The following FILIP1L variants were observed in gnomAD, a reference collection of about 807,000 sequenced individuals.
The protein encoded by FILIP1L is filamin A interacting protein 1 like, also known as filamin A-interacting protein 1-like.
Under a neutral mutation model 96.6 loss-of-function variants are expected in FILIP1L, and 55 were observed. The observed-to-expected ratio is 0.57, with a 90% CI of 0.46 to 0.71. The LOEUF (loss-of-function observed/expected upper bound fraction) is 0.71, where lower values mean the gene tolerates loss of function less well. Among genes scored for constraint, FILIP1L ranks in the 30% least tolerant of loss-of-function variants. The pLI is 0.00. For missense variants in FILIP1L, 1,304 were observed against 1,321.2 expected, an observed-to-expected ratio of 0.99 and a Z score of 0.20; for synonymous variants, 467 against 473.9, an observed-to-expected ratio of 0.99 and a Z score of 0.19.
intron 4 of FILIP1L, among the ~76,000 whole-genome samples, chr3:99,885,815 TA>T (rs1291309685): frequency 1.3e-5 from 2 of 152,198 alleles, no homozygotes; most frequent in Non-Finnish European, 2.9e-5. Context: ...GGCTTTTGTG[TA>T]CATTTACCAA....
At chr3:100,037,606 G>A (rs1025411156) in intron 1 of FILIP1L, among the ~76,000 whole-genome samples, 5 of 152,120 alleles carry the variant, frequency 3.3e-5, no homozygotes, top group African/African-American at 1.2e-4. Flanking sequence ...CAATCTTTAT[G>A]TTCAAATCAT....
Position 99,848,315 on chromosome 3 carries a change from G to A in FILIP1L, c.3361C>T (p.Pro1121Ser), listed in dbSNP as rs1364188492. 6.2e-7 allele frequency: 1 copy of A among 1,614,098 alleles called. No homozygotes were observed. The highest frequency in any genetic ancestry group is 1.7e-5 in the Admixed American group (1 of 60,024). Residue 1121 changes from proline (P) to serine (S), a missense_variant, in exon 5 of 6, where the codon CCT (proline) becomes TCT (serine). Coordinates refer to ENST00000477258, the MANE Select transcript of FILIP1L (RefSeq NM_001387850.1). ...ITITPTATPLPRQSQITIKEV... is the reference protein window; with the variant it reads ...ITITPTATPLSRQSQITIKEV... Reference sequence around the variant, plus strand: ...CTTACTGTAATTTGTGATTGTCGAGGAAGAGGTGTGGCTGTTGGTGTGATA... The same window carrying A: ...CTTACTGTAATTTGTGATTGTCGAGAAAGAGGTGTGGCTGTTGGTGTGATA...
At chr3:99,985,334 C>T (rs1297092853) in intron 1 of FILIP1L, among the ~76,000 whole-genome samples, 1 of 151,980 alleles carries the variant, frequency 6.6e-6, no homozygotes, top group Non-Finnish European at 1.5e-5. Context: ...GAGTTCAAGA[C>T]CAGCCCGAAC....
At chr3:99,967,193 T>C (rs769931756) in intron 1 of FILIP1L, among the ~76,000 whole-genome samples, 9 of 152,250 alleles carry the variant, frequency 5.9e-5, no homozygotes, top group Non-Finnish European at 1.0e-4. Flanking sequence ...TGTTCTTGGC[T>C]CTTAGCCCCA....
At chr3:99,916,209 T>C (rs1227908847) in intron 4 of FILIP1L, among the ~76,000 whole-genome samples, 1 of 152,190 alleles carries the variant, frequency 6.6e-6, no homozygotes, top group Non-Finnish European at 1.5e-5. Context: ...GAAGGCAGGT[T>C]GAATTAACTG....
chr3:99,837,841 T>C (rs1942963620), intron 5 of FILIP1L, among the ~76,000 whole-genome samples: 1 of 152,220 alleles, frequency 6.6e-6, no homozygotes, highest in Non-Finnish European at 1.5e-5. Context: ...ACACCAAATG[T>C]GGCCTAAGTT....
chr3:100,068,237 G>A (rs142456980), intron 1 of FILIP1L, among the ~76,000 whole-genome samples: 231 of 152,260 alleles, frequency 1.5e-3, no homozygotes, highest in Non-Finnish European at 2.7e-3. Flanking sequence ...GAATTAGGAC[G>A]TGCACTTGCA....
chr3:99,997,591 G>A (rs535983735), intron 1 of FILIP1L, among the ~76,000 whole-genome samples: 1 of 152,262 alleles, frequency 6.6e-6, no homozygotes, highest in East Asian at 1.9e-4. Context: ...AGATGGTAGG[G>A]GCAGGGTGGG....
intron 1 of FILIP1L, among the ~76,000 whole-genome samples, chr3:100,018,556 G>A (rs1042483480): frequency 1.3e-5 from 2 of 151,846 alleles, no homozygotes; most frequent in African/African-American, 2.4e-5. Context: ...AAATCAACTC[G>A]AAATGAATTA....
At position 100,021,948 on chromosome 3, in the gene FILIP1L, TGTGTGTGTGTGTGAGAGAGAGAGA is replaced by T. The variant is rs1479304170; in HGVS notation, c.-10-90942_-10-90919del. 8.5e-5 allele frequency among the ~76,000 whole-genome samples: 11 copies of T among 129,566 alleles called. No homozygotes were observed. In the South Asian group the frequency reaches 2.2e-3, roughly 26 times the overall value. 85.0% of individuals were successfully genotyped at this position (129,566 alleles called of 152,430 possible). ...GTGTGTGTGTGTGTGTGTGTGTGTG[TGTGTGTGTGTGTGAGAGAGAGAGA>T]GAGAGAGAGAGAGAGAGAGAGATAT... On this transcript the variant is annotated intron_variant, in intron 1 of 5. Transcript: ENST00000477258.
At chr3:99,853,443 A>G (rs1210556100) in intron 4 of FILIP1L, among the ~76,000 whole-genome samples, 5 of 152,208 alleles carry the variant, frequency 3.3e-5, no homozygotes, top group African/African-American at 9.6e-5. Flanking sequence ...CTTAGGATAT[A>G]AGGGAGGGAA....
At chr3:99,848,119 A>T in intron 5 of FILIP1L, 176 bp downstream of exon 5, 1 of 1,465,826 alleles carries the variant, frequency 6.8e-7, no homozygotes, top group East Asian at 2.4e-5. Flanking sequence ...ATGACTATGC[A>T]GGCAACAGTT....
At chr3:99,837,439 G>GAA (rs200867964) in intron 5 of FILIP1L, among the ~76,000 whole-genome samples, 5 of 135,800 alleles carry the variant, frequency 3.7e-5, no homozygotes, top group Non-Finnish European at 6.4e-5. Context: ...AGAGAAGAGA[G>GAA]AAAAAAAAAA....
chr3:100,007,787 T>C lies in FILIP1L; in HGVS notation c.-10-76757A>G, dbSNP rs142331879. On this transcript the variant is annotated intron_variant, in intron 1 of 5. Coordinates refer to ENST00000477258, the MANE Select transcript of FILIP1L (RefSeq NM_001387850.1). The stretch of plus-strand genomic sequence containing the variant: ...ATATAGTACTGATAGAAAAAATATA[T>C]TAGTTATCTAGTGGTAACAGGGAAT... Among the ~76,000 whole-genome samples the C allele has an allele frequency of 2.5e-3, 383 of 152,258 alleles. 4 individuals carry two copies. The highest frequency in any genetic ancestry group is 8.8e-3 in the African/African-American group (366 of 41,546).
intron 1 of FILIP1L, among the ~76,000 whole-genome samples, chr3:99,933,954 C>A (rs2107666900): frequency 6.6e-6 from 1 of 152,348 alleles, no homozygotes; most frequent in South Asian, 2.1e-4. Context: ...GGTTACTCCA[C>A]AGCTTCAGCT....
At chr3:99,944,522 A>C (rs1707949736) in intron 1 of FILIP1L, among the ~76,000 whole-genome samples, 1 of 152,212 alleles carries the variant, frequency 6.6e-6, no homozygotes. Context: ...CTTTGTGCAC[A>C]CTAAATCGTT....
At chr3:100,013,010 C>A (rs950682029) in intron 1 of FILIP1L, among the ~76,000 whole-genome samples, 1 of 151,978 alleles carries the variant, frequency 6.6e-6, no homozygotes, top group African/African-American at 2.4e-5. Context: ...GTTGTCCGGG[C>A]TGATCTTCAC....
chr3:99,994,016 A>AT (rs1457074152), intron 1 of FILIP1L, among the ~76,000 whole-genome samples: 1 of 152,078 alleles, frequency 6.6e-6, no homozygotes, highest in Non-Finnish European at 1.5e-5. Context: ...TTCCATCTTG[A>AT]TTTTTTGGAC....
At chr3:99,980,140 T>C (rs986921290) in intron 1 of FILIP1L, among the ~76,000 whole-genome samples, 1 of 152,138 alleles carries the variant, frequency 6.6e-6, no homozygotes, top group African/African-American at 2.4e-5. Context: ...TAGTGAGACA[T>C]GCAGTAGTAC....
Sources: allele counts gnomAD v4.1 joint callset (sites outside exome capture counted in the v4.1 genomes callset), GRCh38; gene constraint gnomAD v4.1.1; transcripts MANE v1.5; gene names NCBI Gene and HGNC (gene_info 2026-07-23, HGNC 2026-07-21).